LCORL: variants seen among roughly 807,000 people sequenced by gnomAD.
LCORL encodes the protein ligand-dependent nuclear receptor corepressor-like protein.
A neutral mutation model predicts 141.8 loss-of-function variants in LCORL; 41 were observed. The observed-to-expected ratio is 0.29, with a 90% CI of 0.23 to 0.38. The LOEUF (loss-of-function observed/expected upper bound fraction) is 0.38, where lower values mean the gene tolerates loss of function less well. LCORL is among the 10% of genes least tolerant of loss of function. The pLI, the probability that LCORL is intolerant of heterozygous loss-of-function variation, is 1.00. For missense variants in LCORL, 1,759 were observed against 2,035.0 expected (o/e 0.86, Z 2.61); for synonymous variants, 618 against 694.1 (o/e 0.89, Z 1.72).
At chr4:17,869,587 A>G (rs1726092927) in intron 7 of LCORL, among the ~76,000 whole-genome samples, 1 of 151,918 alleles carries the variant, frequency 6.6e-6, no homozygotes, top group Admixed American at 6.6e-5. Context: ...TTTTGTATAC[A>G]TCCTTCCTTT....
intron 5 of LCORL, among the ~76,000 whole-genome samples, chr4:17,898,521 C>T (rs768656902): frequency 3.3e-5 from 5 of 151,992 alleles, no homozygotes; most frequent in Admixed American, 2.0e-4. Context: ...CATTCATTGT[C>T]GTTAGTTTTT....
At chr4:17,868,724 T>C (rs1173696350) in intron 7 of LCORL, among the ~76,000 whole-genome samples, 6 of 152,188 alleles carry the variant, frequency 3.9e-5, no homozygotes, top group Non-Finnish European at 8.8e-5. Context: ...GCTTTGATCA[T>C]ATAGCTTCTC....
chr4:17,950,015 C>T (rs1410069971), intron 4 of LCORL, among the ~76,000 whole-genome samples: 2 of 152,068 alleles, frequency 1.3e-5, no homozygotes, highest in African/African-American at 4.8e-5. Context: ...AAAATGCCAC[C>T]TCAATTTTTT....
At chr4:17,886,873 A>T (rs1728345790) in intron 5 of LCORL, among the ~76,000 whole-genome samples, 1 of 152,088 alleles carries the variant, frequency 6.6e-6, no homozygotes, top group Admixed American at 6.6e-5. Flanking sequence ...CAGACTTGTT[A>T]ATCTGGCATG....
chr4:17,894,201 A>G (rs960690169), intron 5 of LCORL, among the ~76,000 whole-genome samples: 1 of 152,224 alleles, frequency 6.6e-6, no homozygotes, highest in African/African-American at 2.4e-5. Context: ...AAATGCATTT[A>G]TATCCCAATA....
intron 7 of LCORL, among the ~76,000 whole-genome samples, chr4:17,858,857 C>T (rs1009583624): frequency 9.9e-5 from 15 of 151,998 alleles, no homozygotes; most frequent in African/African-American, 3.4e-4. Flanking sequence ...CATGCCAAGC[C>T]CTTTCATAAT....
At chr4:17,996,028 AT>A (rs1720872320) in intron 1 of LCORL, among the ~76,000 whole-genome samples, 1 of 152,154 alleles carries the variant, frequency 6.6e-6, no homozygotes, top group African/African-American at 2.4e-5. Flanking sequence ...CAGATACTGA[AT>A]TAATTTGCAT....
intron 4 of LCORL, among the ~76,000 whole-genome samples, chr4:17,920,495 A>C (rs1734113695): frequency 6.6e-6 from 1 of 152,088 alleles, no homozygotes; most frequent in Non-Finnish European, 1.5e-5. Flanking sequence ...ATGGCTGCTG[A>C]AGGGTGGGGT....
intron 4 of LCORL, among the ~76,000 whole-genome samples, chr4:17,947,627 C>CA (rs1359998221): frequency 6.6e-6 from 1 of 151,710 alleles, no homozygotes; most frequent in Non-Finnish European, 1.5e-5. Flanking sequence ...TTAATTATTC[C>CA]AAGTTGTGTC....
intron 5 of LCORL, among the ~76,000 whole-genome samples, chr4:17,888,335 C>T (rs1728595141): frequency 6.6e-6 from 1 of 151,984 alleles, no homozygotes; most frequent in Non-Finnish European, 1.5e-5. Context: ...CAGTTTATTG[C>T]CCCAGTTTAC....
chr4:17,976,005 G>GTGAATTGATA (rs1343988195), intron 1 of LCORL, among the ~76,000 whole-genome samples: 1 of 152,036 alleles, frequency 6.6e-6, no homozygotes, highest in Non-Finnish European at 1.5e-5. Context: ...TGTCCCCTTT[G>GTGAATTGATA]TGAATTGATA....
chr4:17,845,913 A>C lies in LCORL; in HGVS notation c.5603-12T>G. The C allele has an allele frequency of 6.3e-7, 1 of 1,582,528 alleles. No homozygotes were observed. Among genetic ancestry groups the C allele is most frequent in the African/African-American group, 1.4e-5 (1 of 73,748 alleles). ...TCACTTGTAGCATGCTGGAAGAAAA[A>C]GTGTAAGGCATTTTAGTTTTACTTT... On this transcript the variant is annotated splice_polypyrimidine_tract_variant and intron_variant, in intron 7 of 7. Transcript: ENST00000635767.
At chr4:18,004,094 C>T (rs1330154758) in intron 1 of LCORL, among the ~76,000 whole-genome samples, 1 of 152,216 alleles carries the variant, frequency 6.6e-6, no homozygotes, top group Non-Finnish European at 1.5e-5. Flanking sequence ...TAATTGCTTT[C>T]TCTGGGAAGT....
At chr4:17,914,561 A>T (rs1733088820) in intron 4 of LCORL, among the ~76,000 whole-genome samples, 1 of 152,230 alleles carries the variant, frequency 6.6e-6, no homozygotes, top group East Asian at 1.9e-4. Flanking sequence ...AGCAAAACAG[A>T]CAGACAGACA....
In LCORL at chr4:17,843,290, A is replaced by ACAT. The variant is rs758202742; in HGVS notation, c.*2595_*2597dup. Reference sequence around the variant, plus strand: ...TTGTATCTAAATTCGTGTATTTTCAACATCTATTTAGTGATCATGAAGTTC... The same window carrying ACAT: ...TTGTATCTAAATTCGTGTATTTTCAACATCATCTATTTAGTGATCATGAAGTTC... On this transcript the variant is annotated 3_prime_UTR_variant, in exon 8 of 8. Transcript: ENST00000635767. 4.2e-5 allele frequency: 67 copies of ACAT among 1,602,260 alleles called. No individual in the cohort carries two copies. The East Asian group carries it at 1.5e-3, about 35-fold the overall frequency.
chr4:17,843,508 GAACA>G, exon 8 of LCORL: 1 of 1,468,632 alleles, frequency 6.8e-7, no homozygotes, highest in Non-Finnish European at 9.3e-7. Flanking sequence ...GTCAAAATCA[GAACA>G]AACCTGATGT....
At chr4:17,908,262 C>T (rs999041914) in intron 5 of LCORL, among the ~76,000 whole-genome samples, 1 of 152,142 alleles carries the variant, frequency 6.6e-6, no homozygotes, top group Non-Finnish European at 1.5e-5. Context: ...GAATTCCTGA[C>T]CTCAGGTGAT....
At chr4:17,911,956 C>G (rs1732623869) in intron 4 of LCORL, 1 of 597,958 alleles carries the variant, frequency 1.7e-6, no homozygotes, top group Admixed American at 1.9e-5. Context: ...CATGCAAAGC[C>G]TGAATGACTG....
chr4:17,947,575 ATGTTAGGTATTTGAAG>A (rs1739082878), intron 4 of LCORL, among the ~76,000 whole-genome samples: 1 of 152,000 alleles, frequency 6.6e-6, no homozygotes, highest in South Asian at 2.1e-4. Context: ...ACCACAAAAA[ATGTTAGGTATTTGAAG>A]TGATGGATGT....
Sources: gnomAD v4.1 joint callset for allele counts (sites outside exome capture counted in the v4.1 genomes callset) on GRCh38, gnomAD v4.1.1 for gene constraint, MANE v1.5 for transcripts, NCBI Gene and HGNC (gene_info 2026-07-23, HGNC 2026-07-21) for gene names.